The following DOCK7 variants were observed in gnomAD, a reference collection of about 807,000 sequenced individuals.
The protein encoded by DOCK7 is dedicator of cytokinesis protein 7.
DOCK7 carries 138 observed loss-of-function variants against 271.0 expected under a neutral mutation model. That is an observed-to-expected ratio of 0.51 (90% CI 0.44 to 0.59). The LOEUF is 0.59. Ranked by LOEUF, DOCK7 falls within the 20% of genes least tolerant of loss-of-function variation. DOCK7 has a pLI of 0.00. For synonymous variants in DOCK7, 823 were observed against 876.1 expected, an observed-to-expected ratio of 0.94 and a Z score of 1.07; for missense variants, 2,066 against 2,592.4, an observed-to-expected ratio of 0.80 and a Z score of 4.41.
chr1:62,497,432 T>C (rs540716398), intron 37 of DOCK7, among the ~76,000 whole-genome samples: 3 of 152,266 alleles, frequency 2.0e-5, no homozygotes, highest in African/African-American at 7.2e-5. Flanking sequence ...TACCACAAAG[T>C]CAACATGTCT....
chr1:62,552,711 AG>A lies in DOCK7; in HGVS notation c.2766+20del. 6.4e-7 allele frequency: 1 copy of A among 1,569,922 alleles called. No homozygotes were observed. On this transcript the variant is annotated intron_variant, in intron 22 of 49. Transcript: ENST00000635253. ...TTCACAAAACAAAAACCAAATTTAC[AG>A]ATGCATGTCTTCAGTTTACCTTACT...
intron 16 of DOCK7, 80 bp downstream of exon 16, chr1:62,583,104 T>C (rs1647186232): frequency 8.4e-7 from 1 of 1,191,828 alleles, no homozygotes; most frequent in Non-Finnish European, 1.2e-6. Context: ...CAGCAAAGCA[T>C]TTGGTAAACA....
At chr1:62,676,853 A>G (rs1345248949) in intron 1 of DOCK7, among the ~76,000 whole-genome samples, 2 of 152,238 alleles carry the variant, frequency 1.3e-5, no homozygotes, top group Non-Finnish European at 2.9e-5. Context: ...AAAAGTCAAA[A>G]AGAAAAACCA....
chr1:62,630,481 G>C (rs1178323596), intron 11 of DOCK7, among the ~76,000 whole-genome samples: 1 of 152,006 alleles, frequency 6.6e-6, no homozygotes, highest in Non-Finnish European at 1.5e-5. Flanking sequence ...ACCTGTCCTG[G>C]ACAGGACGCT....
In DOCK7 at chr1:62,537,915, A is replaced by G. The variant is rs1175817100; in HGVS notation, c.3447T>C (p.Pro1149=). 3 of 1,613,710 alleles carry G rather than the reference A, an allele frequency of 1.9e-6. No individual in the cohort carries two copies. Among genetic ancestry groups the G allele is most frequent in the Non-Finnish European group, 2.5e-6 (3 of 1,179,814 alleles). Residue 1149 remains proline, a synonymous_variant, in exon 28 of 50, where the codon CCT becomes CCC. Coordinates refer to ENST00000635253, the MANE Select transcript of DOCK7 (RefSeq NM_001367561.1). ...SLLTPPASPS[P]SVSSATSQSS... ...CCTGAGATGTTGCAGAAGAAACAGA[A>G]GGTGATGGAGATGCAGGTGGAGTAA...
chr1:62,620,602 C>T (rs1028068032), intron 12 of DOCK7, among the ~76,000 whole-genome samples: 93 of 151,692 alleles, frequency 6.1e-4, no homozygotes, highest in African/African-American at 2.1e-3. Context: ...AGTTACTGGC[C>T]GGGTGCAGTG....
At chr1:62,542,866 TTATG>T (rs1289045071) in intron 24 of DOCK7, among the ~76,000 whole-genome samples, 163 bp from the exon 25 acceptor site, 1 of 152,144 alleles carries the variant, frequency 6.6e-6, no homozygotes, top group Non-Finnish European at 1.5e-5. Context: ...AAACGGCTAT[TTATG>T]TATGTAAGAC....
intron 47 of DOCK7, among the ~76,000 whole-genome samples, chr1:62,474,644 T>C (rs1306285652): frequency 6.6e-6 from 1 of 152,192 alleles, no homozygotes. Context: ...TCTTTTAATC[T>C]GAAAAGTAGT....
At chr1:62,672,504 A>C (rs996387361) in intron 1 of DOCK7, among the ~76,000 whole-genome samples, 2 of 152,098 alleles carry the variant, frequency 1.3e-5, no homozygotes, top group African/African-American at 4.8e-5. Flanking sequence ...CTTAACTACT[A>C]ATCTCCTTTT....
intron 14 of DOCK7, among the ~76,000 whole-genome samples, chr1:62,616,333 T>C (rs1224021982): frequency 6.6e-6 from 1 of 151,720 alleles, no homozygotes; most frequent in Non-Finnish European, 1.5e-5. Context: ...AAAGATACCC[T>C]AGAATCCATT....
chr1:62,543,724 G>A lies in DOCK7; in HGVS notation c.2881C>T (p.Arg961Cys), dbSNP rs1412891268. Residue 961 changes from arginine to cysteine, a missense_variant, in exon 24 of 50, where the codon CGT (arginine) becomes TGT (cysteine). This residue lies in a region of DOCK7 where 1,414 missense variants were observed against 1,670.4 expected (regional missense o/e 0.85). Coordinates refer to ENST00000635253, the MANE Select transcript of DOCK7 (RefSeq NM_001367561.1). ...STQAMDRSCNRMSSHTETSSF... is the reference protein window; with the variant it reads ...STQAMDRSCNCMSSHTETSSF... ...GACGTCTCTGTGTGCGAAGACATACGATTACAACTTCGATCCATAGCCTAT... is the reference window on the plus strand; with the variant it reads ...GACGTCTCTGTGTGCGAAGACATACAATTACAACTTCGATCCATAGCCTAT... 3.1e-6 allele frequency: 5 copies of A among 1,596,712 alleles called. No homozygotes were observed. The highest frequency in any genetic ancestry group is 2.7e-5 in the African/African-American group (2 of 74,742).
At chr1:62,571,158 T>A (rs551463961) in intron 18 of DOCK7, among the ~76,000 whole-genome samples, 4 of 152,170 alleles carry the variant, frequency 2.6e-5, no homozygotes, top group Non-Finnish European at 5.9e-5. Context: ...CCTATCCATC[T>A]GACAAAGGTG....
At chr1:62,649,361 T>C (rs1657058527) in intron 4 of DOCK7, among the ~76,000 whole-genome samples, 1 of 152,222 alleles carries the variant, frequency 6.6e-6, no homozygotes, top group Non-Finnish European at 1.5e-5. Context: ...TCCAGTCTTG[T>C]TGCTAAAGCT....
At chr1:62,631,667 T>A (rs1654642528) in intron 10 of DOCK7, among the ~76,000 whole-genome samples, 1 of 152,210 alleles carries the variant, frequency 6.6e-6, no homozygotes. Flanking sequence ...AGAGAGTAAG[T>A]ACCAAACATG....
intron 39 of DOCK7, 150 bp from the exon 40 acceptor site, chr1:62,494,617 G>A (rs1195175952): frequency 3.8e-6 from 2 of 523,172 alleles, no homozygotes; most frequent in Non-Finnish European, 6.1e-6. Context: ...TCGCTATGCA[G>A]GCCTAGAGAA....
rs1645950861 is a variant in DOCK7, at chr1:62,475,717, T to C, written c.5951A>G (p.His1984Arg). The C allele has an allele frequency of 8.1e-6, 13 of 1,613,850 alleles. No individual in the cohort carries two copies. The highest frequency in any genetic ancestry group is 1.1e-5 in the Non-Finnish European group (13 of 1,179,824). Residue 1984 changes from histidine to arginine, a missense_variant, in exon 46 of 50, where the codon CAT becomes CGT. Around this residue, in one of 2 missense-constraint regions of DOCK7, gnomAD observed 652 missense variants for 922.1 expected, o/e 0.71. Transcript: ENST00000635253. Reference sequence around the variant, plus strand: ...CATTAATGGACTTACCTCTTCTTTATGAGTGACATTGACCCTTGTTTTAAT... The same window carrying C: ...CATTAATGGACTTACCTCTTCTTTACGAGTGACATTGACCCTTGTTTTAAT... ...PYIKTRVNVT[H>R]KEEIILTPIE...
At chr1:62,646,039 CA>C (rs1275077328) in intron 7 of DOCK7, among the ~76,000 whole-genome samples, 7 of 151,688 alleles carry the variant, frequency 4.6e-5, no homozygotes, top group African/African-American at 1.7e-4. Flanking sequence ...CCCAGCTACT[CA>C]GGGGGCTGAG....
intron 19 of DOCK7, among the ~76,000 whole-genome samples, chr1:62,560,696 G>C (rs1013501405): frequency 6.6e-6 from 1 of 152,146 alleles, no homozygotes; most frequent in Non-Finnish European, 1.5e-5. Context: ...CTCTGTACTT[G>C]CTACTCATCA....
At chr1:62,669,788 G>A (rs1000467906) in intron 1 of DOCK7, among the ~76,000 whole-genome samples, 15 of 152,232 alleles carry the variant, frequency 9.9e-5, no homozygotes, top group South Asian at 2.1e-4. Flanking sequence ...CACTTTGGTG[G>A]CATTTGAGGA....
Sources: allele counts gnomAD v4.1 joint callset (sites outside exome capture counted in the v4.1 genomes callset), GRCh38; gene constraint gnomAD v4.1.1; regional missense constraint gnomAD v4.1.1; transcripts MANE v1.5; gene names NCBI Gene and HGNC (gene_info 2026-07-23, HGNC 2026-07-21).